Variants in RARB observed in about 807,000 individuals in gnomAD.
RARB encodes retinoic acid receptor beta.
In RARB, 17 loss-of-function variants were observed where a neutral mutation model predicts 51.9. The ratio of observed to expected loss-of-function variants is 0.33; its 90% confidence interval spans 0.22 to 0.49. RARB has a LOEUF of 0.49. Among genes scored for constraint, RARB ranks in the 20% least tolerant of loss-of-function variants. RARB has a pLI of 0.99. For missense variants in RARB, 369 were observed against 550.8 expected (o/e 0.67, Z 3.30); for synonymous variants, 215 against 195.4 (o/e 1.10, Z -0.84).
At chr3:24,983,167 C>T (rs1193034610) in intron 2 of RARB, among the ~76,000 whole-genome samples, 3 of 152,164 alleles carry the variant, frequency 2.0e-5, no homozygotes, top group Non-Finnish European at 2.9e-5. Flanking sequence ...GTAGCTGTCA[C>T]ACTCCTGGTG....
Position 25,596,654 on chromosome 3 carries a change from T to G in RARB, c.*38T>G. 1 of 1,479,428 alleles carries G rather than the reference T, an allele frequency of 6.8e-7. No individual in the cohort carries two copies. Among genetic ancestry groups the G allele is most frequent in the Non-Finnish European group, 9.3e-7 (1 of 1,080,630 alleles). 91.6% of individuals were successfully genotyped at this position (1,479,428 alleles called of 1,614,324 possible). ...CTACTTCAAACATTCCCCAGTACCT[T>G]CAGTTCCAGGATTTAAAATGCAAGA... On this transcript the variant is annotated 3_prime_UTR_variant, in exon 8 of 8. Coordinates refer to ENST00000330688, the MANE Select transcript of RARB (RefSeq NM_000965.5).
intron 5 of RARB, among the ~76,000 whole-genome samples, chr3:25,205,624 C>T (rs1477926025): frequency 6.6e-6 from 1 of 152,152 alleles, no homozygotes; most frequent in Non-Finnish European, 1.5e-5. Flanking sequence ...ATGGACTCCC[C>T]ATTTACCCTG....
At chr3:25,516,383 T>G (rs145576854) in intron 3 of RARB, among the ~76,000 whole-genome samples, 3 of 152,200 alleles carry the variant, frequency 2.0e-5, no homozygotes, top group South Asian at 4.1e-4. Flanking sequence ...TATGAACTTA[T>G]GTGGATTCCA....
At chr3:25,477,581 G>A (rs115042854) in intron 2 of RARB, among the ~76,000 whole-genome samples, 271 of 152,278 alleles carry the variant, frequency 1.8e-3, no homozygotes, top group Non-Finnish European at 3.0e-3. Flanking sequence ...GCAGTTTATT[G>A]AGGATGTACA....
intron 1 of RARB, among the ~76,000 whole-genome samples, chr3:24,837,233 T>C (rs1702356425): frequency 6.6e-6 from 1 of 152,212 alleles, no homozygotes; most frequent in African/African-American, 2.4e-5. Flanking sequence ...AATAATGTGG[T>C]CATCTGCAAC....
chr3:25,473,144 G>A lies in RARB; in HGVS notation c.306+11803G>A, dbSNP rs1695781045. On this transcript the variant is annotated intron_variant, in intron 2 of 7. Transcript: ENST00000330688. Reference sequence around the variant, plus strand: ...TATCTCCTACCATAATAGTTTCTTTGGGATTAGAATTTCTCTTGTGCCTTT... The same window carrying A: ...TATCTCCTACCATAATAGTTTCTTTAGGATTAGAATTTCTCTTGTGCCTTT... Among the ~76,000 whole-genome samples, 3 of 152,016 alleles carry A rather than the reference G, an allele frequency of 2.0e-5. No individual in the cohort carries two copies. In the South Asian group the frequency reaches 6.2e-4, roughly 32 times the overall value.
At chr3:25,192,979 TCTAAATAAATGTTGCTTC>T (rs1461367428) in intron 5 of RARB, among the ~76,000 whole-genome samples, 1 of 151,946 alleles carries the variant, frequency 6.6e-6, no homozygotes, top group Non-Finnish European at 1.5e-5. Context: ...AGAAGGAAGC[TCTAAATAAATGTTGCTTC>T]AGACATTGTA....
chr3:24,934,811 C>T (rs1401170603), intron 2 of RARB, among the ~76,000 whole-genome samples: 2 of 151,930 alleles, frequency 1.3e-5, no homozygotes, highest in African/African-American at 4.8e-5. Context: ...TTTGAGTGAG[C>T]TATTATAAAG....
At chr3:24,986,802 T>G (rs992529352) in intron 2 of RARB, among the ~76,000 whole-genome samples, 1 of 152,126 alleles carries the variant, frequency 6.6e-6, no homozygotes, top group East Asian at 1.9e-4. Context: ...GCCTTCACCC[T>G]GTTAACTCCT....
intron 1 of RARB, among the ~76,000 whole-genome samples, chr3:24,853,716 C>T (rs1003651379): frequency 6.6e-6 from 1 of 152,188 alleles, no homozygotes; most frequent in African/African-American, 2.4e-5. Context: ...CATTAAATGC[C>T]TGTCTTAAAC....
chr3:25,293,112 G>A (rs933274254), intron 5 of RARB, among the ~76,000 whole-genome samples: 3 of 152,100 alleles, frequency 2.0e-5, no homozygotes, highest in African/African-American at 7.2e-5. Flanking sequence ...GTGCAGTCAC[G>A]CAACCAGATC....
intron 2 of RARB, among the ~76,000 whole-genome samples, chr3:25,011,431 G>A (rs1401464539): frequency 6.6e-6 from 1 of 152,054 alleles, no homozygotes; most frequent in Non-Finnish European, 1.5e-5. Context: ...CTAAAACTTT[G>A]TTAATGGTAA....
chr3:25,515,056 C>T (rs1269357004), intron 3 of RARB, among the ~76,000 whole-genome samples: 1 of 152,184 alleles, frequency 6.6e-6, no homozygotes, highest in African/African-American at 2.4e-5. Flanking sequence ...AGGGCTTCCT[C>T]CTGTCTCTTG....
intron 1 of RARB, among the ~76,000 whole-genome samples, chr3:24,845,259 C>A (rs1702472303): frequency 1.3e-5 from 2 of 152,286 alleles, no homozygotes; most frequent in South Asian, 4.1e-4. Context: ...GCTATGGTAT[C>A]AGATAAATAC....
intron 1 of RARB, among the ~76,000 whole-genome samples, chr3:25,434,036 A>G (rs1376982067): frequency 2.6e-5 from 4 of 152,144 alleles, no homozygotes; most frequent in Non-Finnish European, 4.4e-5. Context: ...GGGACCATTT[A>G]GTAAGATAAG....
At chr3:25,514,737 A>G (rs1698073477) in intron 3 of RARB, among the ~76,000 whole-genome samples, 1 of 152,234 alleles carries the variant, frequency 6.6e-6, no homozygotes, top group African/African-American at 2.4e-5. Flanking sequence ...GGACCCATTT[A>G]GGAGCCAGTC....
intron 4 of RARB, among the ~76,000 whole-genome samples, chr3:25,153,532 G>A (rs1017842360): frequency 3.9e-5 from 6 of 152,108 alleles, no homozygotes; most frequent in Admixed American, 2.0e-4. Flanking sequence ...GGAAAGTCTC[G>A]CCTAGAGTAT....
At chr3:25,276,916 A>G (rs1703403245) in intron 5 of RARB, among the ~76,000 whole-genome samples, 1 of 152,242 alleles carries the variant, frequency 6.6e-6, no homozygotes, top group Admixed American at 6.5e-5. Context: ...CTTAAATTCT[A>G]GATCTAGGAC....
At chr3:25,397,142 A>G (rs1240005717) in intron 5 of RARB, among the ~76,000 whole-genome samples, 2 of 152,138 alleles carry the variant, frequency 1.3e-5, no homozygotes, top group Non-Finnish European at 2.9e-5. Context: ...CCCCAATTCT[A>G]CTGGCAGCCC....
Sources: allele counts gnomAD v4.1 joint callset (sites outside exome capture counted in the v4.1 genomes callset), GRCh38; gene constraint gnomAD v4.1.1; transcripts MANE v1.5; gene names NCBI Gene and HGNC (gene_info 2026-07-23, HGNC 2026-07-21).